Variants in MIPOL1 observed in about 807,000 individuals in gnomAD.
MIPOL1 encodes the protein mirror-image polydactyly 1, also known as mirror-image polydactyly gene 1 protein.
MIPOL1 carries 57 observed loss-of-function variants against 60.9 expected under a neutral mutation model. That is an observed-to-expected ratio of 0.94 (90% CI 0.76 to 1.17). MIPOL1 has a LOEUF of 1.17. Among genes scored for constraint, MIPOL1 ranks in the 50% most tolerant of loss-of-function variants. The pLI is 0.00. For missense variants in MIPOL1, 551 were observed against 511.6 expected (o/e 1.08, Z -0.74); for synonymous variants, 179 against 168.8 (o/e 1.06, Z -0.47).
At chr14:37,501,339 G>GACTTTT in intron 12 of MIPOL1, among the ~76,000 whole-genome samples, 1 of 152,130 alleles carries the variant, frequency 6.6e-6, no homozygotes, top group Non-Finnish European at 1.5e-5. Flanking sequence ...ACTTTTGACA[G>GACTTTT]GATCTGATTT....
chr14:37,224,914 G>A (rs768895686), intron 1 of MIPOL1, among the ~76,000 whole-genome samples: 3 of 152,162 alleles, frequency 2.0e-5, no homozygotes, highest in Non-Finnish European at 4.4e-5. Flanking sequence ...GGGGGTATAG[G>A]CATTGGGCAA....
intron 10 of MIPOL1, among the ~76,000 whole-genome samples, chr14:37,404,876 A>G (rs923186105): frequency 1.3e-5 from 2 of 152,198 alleles, no homozygotes; most frequent in African/African-American, 4.8e-5. Context: ...GTAATTAACA[A>G]AAGCCTAATT....
chr14:37,477,023 C>T (rs1037532364), intron 11 of MIPOL1, among the ~76,000 whole-genome samples: 1 of 151,278 alleles, frequency 6.6e-6, no homozygotes, highest in African/African-American at 2.4e-5. Context: ...GCCTCAGCCT[C>T]CTGGGTAGCC....
At chr14:37,400,509 C>T (rs569039616) in intron 10 of MIPOL1, 14 of 152,094 alleles carry the variant, frequency 9.2e-5, no homozygotes, top group Non-Finnish European at 1.9e-4. Flanking sequence ...AAGGATAGTA[C>T]AAAGCCTAGT....
At chr14:37,221,777 C>T (rs973696986) in intron 1 of MIPOL1, among the ~76,000 whole-genome samples, 8 of 152,064 alleles carry the variant, frequency 5.3e-5, no homozygotes, top group African/African-American at 1.4e-4. Flanking sequence ...TACAGTTGCA[C>T]GTAAGATTTG....
At chr14:37,425,348 A>T (rs1429910771) in intron 11 of MIPOL1, among the ~76,000 whole-genome samples, 2 of 152,216 alleles carry the variant, frequency 1.3e-5, no homozygotes, top group Non-Finnish European at 2.9e-5. Flanking sequence ...TTTGAAAATC[A>T]TAAAGCTAAA....
chr14:37,356,678 C>T (rs941072952), intron 9 of MIPOL1, among the ~76,000 whole-genome samples: 14 of 152,280 alleles, frequency 9.2e-5, no homozygotes, highest in East Asian at 1.9e-4. Flanking sequence ...TTCCAGGTGC[C>T]GTCCGTCACC....
chr14:37,519,748 C>T (rs1487459928), intron 12 of MIPOL1, among the ~76,000 whole-genome samples: 2 of 152,050 alleles, frequency 1.3e-5, no homozygotes, highest in Admixed American at 1.3e-4. Context: ...ATAATGTTAA[C>T]TTGCTAAGTT....
intron 11 of MIPOL1, among the ~76,000 whole-genome samples, chr14:37,461,504 A>G (rs924456964): frequency 3.3e-5 from 5 of 152,106 alleles, no homozygotes; most frequent in African/African-American, 2.4e-5. Flanking sequence ...GAGCCAAACT[A>G]TATCATTCTG....
chr14:37,522,500 T>C (rs1308184974), intron 12 of MIPOL1, among the ~76,000 whole-genome samples: 1 of 152,156 alleles, frequency 6.6e-6, no homozygotes, highest in Non-Finnish European at 1.5e-5. Flanking sequence ...CTGATTTTGC[T>C]CTGAAGTATG....
rs191796866 is a variant in MIPOL1, at chr14:37,338,357, G to A, written c.828+29838G>A. On this transcript the variant is annotated intron_variant, in intron 9 of 12. Coordinates refer to ENST00000684589, the MANE Select transcript of MIPOL1 (RefSeq NM_001388067.1). ...GATCTCCTGACCTCATGATCCGCTCGCCTTGGCCTCCCAAAGTGCTGGGAT... is the reference window on the plus strand; with the variant it reads ...GATCTCCTGACCTCATGATCCGCTCACCTTGGCCTCCCAAAGTGCTGGGAT... Among the ~76,000 whole-genome samples, 37 of 150,822 alleles carry A rather than the reference G, an allele frequency of 2.5e-4. No homozygotes were observed. The East Asian group carries it at 3.2e-3, about 13-fold the overall frequency.
intron 7 of MIPOL1, among the ~76,000 whole-genome samples, chr14:37,302,633 CT>C (rs59760327): frequency 4.5e-3 from 560 of 125,018 alleles, no homozygotes; most frequent in Middle Eastern, 0.013. Flanking sequence ...ATTAAAAAAT[CT>C]TTTTTTTTTT....
chr14:37,512,611 T>G (rs998736246), intron 12 of MIPOL1, among the ~76,000 whole-genome samples: 2 of 152,160 alleles, frequency 1.3e-5, no homozygotes, highest in Non-Finnish European at 2.9e-5. Context: ...TCAGTGAATT[T>G]TTTTTTATAA....
At chr14:37,230,589 A>C (rs1334339504) in intron 1 of MIPOL1, among the ~76,000 whole-genome samples, 1 of 152,214 alleles carries the variant, frequency 6.6e-6, no homozygotes, top group Non-Finnish European at 1.5e-5. Context: ...ATGTTGAAGA[A>C]ATCCCAAGTA....
At chr14:37,295,120 A>G (rs1037694542) in intron 7 of MIPOL1, among the ~76,000 whole-genome samples, 10 of 152,234 alleles carry the variant, frequency 6.6e-5, no homozygotes, top group African/African-American at 2.4e-4. Flanking sequence ...CAGAAACTCT[A>G]CGAGCCAGCA....
At chr14:37,457,282 A>T (rs143743727) in intron 11 of MIPOL1, among the ~76,000 whole-genome samples, 135 of 152,312 alleles carry the variant, frequency 8.9e-4, no homozygotes, top group African/African-American at 3.2e-3. Context: ...CCACAAAAGT[A>T]GGTTCTTGAT....
At chr14:37,407,360 T>C (rs2093604895) in intron 10 of MIPOL1, among the ~76,000 whole-genome samples, 1 of 152,232 alleles carries the variant, frequency 6.6e-6, no homozygotes, top group African/African-American at 2.4e-5. Context: ...CATTTCCTAG[T>C]GAATGGTTTT....
chr14:37,542,044 A>C (rs2095531769), intron 12 of MIPOL1, among the ~76,000 whole-genome samples: 1 of 152,290 alleles, frequency 6.6e-6, no homozygotes, highest in East Asian at 1.9e-4. Flanking sequence ...GCCTATACTT[A>C]GTTTTCACTT....
chr14:37,257,955 A>G (rs1256997868), intron 3 of MIPOL1, among the ~76,000 whole-genome samples: 1 of 152,146 alleles, frequency 6.6e-6, no homozygotes, highest in Non-Finnish European at 1.5e-5. Flanking sequence ...TCTCCAGTTC[A>G]CAACCTGACC....
Sources: gnomAD v4.1 joint callset for allele counts (sites outside exome capture counted in the v4.1 genomes callset) on GRCh38, gnomAD v4.1.1 for gene constraint, MANE v1.5 for transcripts, NCBI Gene and HGNC (gene_info 2026-07-23, HGNC 2026-07-21) for gene names.